Variants in COL21A1 observed in about 807,000 individuals in gnomAD.
COL21A1 encodes the protein collagen alpha-1(XXI) chain.
Under a neutral mutation model 137.9 loss-of-function variants are expected in COL21A1, and 149 were observed. That is an observed-to-expected ratio of 1.08 (90% CI 0.95 to 1.24). The LOEUF (loss-of-function observed/expected upper bound fraction) is 1.24, where lower values mean the gene tolerates loss of function less well. Among genes scored for constraint, COL21A1 ranks in the 50% most tolerant of loss-of-function variants. The pLI, the probability that COL21A1 is intolerant of heterozygous loss-of-function variation, is 0.00. For missense variants in COL21A1, 1,167 were observed against 1,158.4 expected (o/e 1.01, Z -0.11); for synonymous variants, 456 against 391.5 (o/e 1.16, Z -1.95).
intron 17 of COL21A1, among the ~76,000 whole-genome samples, chr6:56,093,194 C>T (rs185884210): frequency 2.6e-5 from 4 of 152,046 alleles, no homozygotes; most frequent in Admixed American, 6.6e-5. Context: ...GCTGATGTCT[C>T]GGGGAAGGGT....
rs1018110754 is a variant in COL21A1 at position 56,150,292 on chromosome 6, G to A, written c.1434+6595C>T. Among the ~76,000 whole-genome samples the A allele has an allele frequency of 2.0e-5, 3 of 152,100 alleles. No individual in the cohort carries two copies. The East Asian group carries it at 5.8e-4, about 29-fold the overall frequency. Reference sequence around the variant, plus strand: ...CCCACTCTTTGGGAGGTCGAGGCGGGCGGATCACGAGGCCAGGAAATCGAG... The same window carrying A: ...CCCACTCTTTGGGAGGTCGAGGCGGACGGATCACGAGGCCAGGAAATCGAG... On this transcript the variant is annotated intron_variant, in intron 10 of 29. Transcript: ENST00000244728.
At chr6:56,362,790 C>T (rs2152348762) in intron 1 of COL21A1, among the ~76,000 whole-genome samples, 2 of 152,270 alleles carry the variant, frequency 1.3e-5, no homozygotes, top group East Asian at 3.9e-4. Context: ...CCTCAGCAGC[C>T]TTCTCTTGTT....
chr6:56,205,348 C>T (rs1185774480), intron 1 of COL21A1, among the ~76,000 whole-genome samples: 1 of 151,950 alleles, frequency 6.6e-6, no homozygotes, highest in African/African-American at 2.4e-5. Flanking sequence ...AAACAAGTAT[C>T]AATAGCCAAA....
In COL21A1 at chr6:56,316,096, CAAGT is replaced by C. The variant is rs556318238; in HGVS notation, c.-39+77871_-39+77874del. 1.4e-3 allele frequency among the ~76,000 whole-genome samples: 206 copies of C among 152,214 alleles called. 1 individual carries two copies. The highest frequency in any genetic ancestry group is 3.4e-3 in the Middle Eastern group (1 of 294). On this transcript the variant is annotated intron_variant, in intron 1 of 28. Coordinates refer to the COL21A1 transcript ENST00000370819. ...CTCTTTTTAATTTATTTTTAATCAA[CAAGT>C]AAGAATTGTATATATTTATGGTATA...
intron 11 of COL21A1, 41 bp downstream of exon 11, chr6:56,141,889 A>G (rs779176492): frequency 2.5e-6 from 4 of 1,598,704 alleles, no homozygotes; most frequent in East Asian, 2.3e-5. Flanking sequence ...TTAGTTCACT[A>G]AAAATAAAAT....
chr6:56,142,856 T>C (rs1242517480), intron 10 of COL21A1, among the ~76,000 whole-genome samples: 1 of 152,218 alleles, frequency 6.6e-6, no homozygotes, highest in African/African-American at 2.4e-5. Flanking sequence ...TTGTCAACTA[T>C]GTTAACACAG....
intron 10 of COL21A1, among the ~76,000 whole-genome samples, chr6:56,143,904 A>G (rs1228710578): frequency 1.3e-5 from 2 of 152,198 alleles, no homozygotes; most frequent in African/African-American, 4.8e-5. Flanking sequence ...GTAAAAAAAA[A>G]TCTCCTTCTC....
intron 1 of COL21A1, among the ~76,000 whole-genome samples, chr6:56,315,941 C>T (rs4636028): frequency 0.83 from 126,796 of 152,172 alleles, 53,645 homozygotes; most frequent in South Asian, 0.98. Flanking sequence ...CTTCACAAAG[C>T]ATGTGTCTAT....
At chr6:56,302,517 T>C (rs1468759127) in intron 1 of COL21A1, among the ~76,000 whole-genome samples, 1 of 152,032 alleles carries the variant, frequency 6.6e-6, no homozygotes, top group African/African-American at 2.4e-5. Flanking sequence ...GTTGGCTGCA[T>C]AAATGTCTTC....
chr6:56,130,192 TATATATATATATATATATAA>T (rs534825243), intron 12 of COL21A1, among the ~76,000 whole-genome samples: 488 of 14,984 alleles, frequency 0.033, 12 homozygotes, highest in African/African-American at 0.078. Flanking sequence ...TATATATATA[TATATATATATATATATATAA>T]AATTTCAAAT....
chr6:56,146,502 C>T (rs1364018070), intron 10 of COL21A1, among the ~76,000 whole-genome samples: 1 of 152,018 alleles, frequency 6.6e-6, no homozygotes, highest in East Asian at 1.9e-4. Context: ...TTACTGATTG[C>T]TTAGATTACT....
chr6:56,303,267 C>T (rs562764899), intron 1 of COL21A1, among the ~76,000 whole-genome samples: 2 of 152,060 alleles, frequency 1.3e-5, no homozygotes, highest in Non-Finnish European at 2.9e-5. Context: ...TTCTGTGAAG[C>T]AAGTCACAAA....
intron 1 of COL21A1, among the ~76,000 whole-genome samples, chr6:56,230,728 T>G (rs1186084938): frequency 1.3e-5 from 2 of 151,916 alleles, no homozygotes; most frequent in African/African-American, 4.8e-5. Context: ...ATTGCACAAT[T>G]TTAAATGTTT....
At chr6:56,064,171 C>A (rs1204623795) in intron 24 of COL21A1, among the ~76,000 whole-genome samples, 1 of 151,972 alleles carries the variant, frequency 6.6e-6, no homozygotes, top group African/African-American at 2.4e-5. Context: ...TAAAGGGAAA[C>A]AAGTACATTT....
intron 1 of COL21A1, among the ~76,000 whole-genome samples, chr6:56,322,464 T>C (rs952592190): frequency 2.6e-5 from 4 of 152,156 alleles, no homozygotes; most frequent in African/African-American, 7.2e-5. Context: ...CAGGAGATTG[T>C]CAAATCCCAA....
intron 1 of COL21A1, among the ~76,000 whole-genome samples, chr6:56,279,701 G>A (rs969244179): frequency 2.6e-5 from 4 of 152,218 alleles, no homozygotes; most frequent in African/African-American, 9.7e-5. Flanking sequence ...ATGAGTCTTT[G>A]TGAATGTTGA....
chr6:56,281,963 G>A (rs1027092473), intron 1 of COL21A1, among the ~76,000 whole-genome samples: 2 of 152,074 alleles, frequency 1.3e-5, no homozygotes, highest in African/African-American at 4.8e-5. Flanking sequence ...GGAAATTTTT[G>A]TCAATACCAA....
At chr6:56,146,485 T>C (rs557080057) in intron 10 of COL21A1, among the ~76,000 whole-genome samples, 66 of 152,240 alleles carry the variant, frequency 4.3e-4, no homozygotes, top group African/African-American at 1.5e-3. Flanking sequence ...AAGTGGTTTA[T>C]ATGCTTTTAC....
chr6:56,184,346 T>C (rs1042602586), intron 1 of COL21A1, among the ~76,000 whole-genome samples: 12 of 152,158 alleles, frequency 7.9e-5, no homozygotes, highest in African/African-American at 2.9e-4. Context: ...AGAAATTTTC[T>C]GGTAATAAAC....
Sources: allele counts gnomAD v4.1 joint callset (sites outside exome capture counted in the v4.1 genomes callset), GRCh38; gene constraint gnomAD v4.1.1; transcripts MANE v1.5; gene names NCBI Gene and HGNC (gene_info 2026-07-23, HGNC 2026-07-21).